The following EYS variants were observed in gnomAD, a reference collection of about 807,000 sequenced individuals.
The protein encoded by EYS is protein eyes shut homolog.
EYS carries 250 observed loss-of-function variants against 282.1 expected under a neutral mutation model. The ratio of observed to expected loss-of-function variants is 0.89; its 90% CI spans 0.80 to 0.98. The LOEUF is 0.98. Ranked by LOEUF, EYS falls within the 50% of genes least tolerant of loss-of-function variation. The pLI is 0.00. For synonymous variants in EYS, 1,355 were observed against 1,282.9 expected (o/e 1.06, Z -1.20); for missense variants, 4,016 against 3,709.0 (o/e 1.08, Z -2.15).
At chr6:64,089,204 A>C (rs1401380466) in intron 31 of EYS, among the ~76,000 whole-genome samples, 1 of 151,720 alleles carries the variant, frequency 6.6e-6, no homozygotes, top group Non-Finnish European at 1.5e-5. Context: ...TATGAGTCTA[A>C]TTTTATTAAA....
intron 26 of EYS, among the ~76,000 whole-genome samples, chr6:64,548,142 G>C (rs999599665): frequency 6.6e-6 from 1 of 152,194 alleles, no homozygotes. Flanking sequence ...GGCTCCTCAA[G>C]TGCTGCCAAA....
intron 35 of EYS, among the ~76,000 whole-genome samples, chr6:63,881,676 T>A (rs1450594673): frequency 6.6e-6 from 1 of 152,182 alleles, no homozygotes; most frequent in Non-Finnish European, 1.5e-5. Context: ...CCACCTCCCC[T>A]TGGCACAAAT....
In EYS at chr6:64,223,735, G is replaced by T. The variant is rs183753897; in HGVS notation, c.6424+6857C>A. ...TTTATGTGTCAAATTATCTTTATGT[G>T]TGGGTATACACGTAATGTATATAAT... On this transcript the variant is annotated intron_variant, in intron 31 of 42. Coordinates refer to ENST00000503581, the MANE Select transcript of EYS (RefSeq NM_001142800.2). Among the ~76,000 whole-genome samples the T allele has an allele frequency of 6.6e-5, 10 of 152,116 alleles. No homozygotes were observed. The East Asian group carries it at 1.5e-3, about 23-fold the overall frequency.
chr6:64,981,240 G>C (rs183740367), intron 14 of EYS, among the ~76,000 whole-genome samples: 10 of 151,370 alleles, frequency 6.6e-5, no homozygotes, highest in African/African-American at 2.4e-4. Context: ...TAAAGCTACT[G>C]AATTAGAATG....
At chr6:65,497,475 A>C (rs191652323) in intron 2 of EYS, among the ~76,000 whole-genome samples, 14 of 152,146 alleles carry the variant, frequency 9.2e-5, no homozygotes, top group African/African-American at 2.9e-4. Context: ...TGAATGTGAC[A>C]CTGGATGCCT....
At chr6:64,061,613 C>A (rs985099325) in intron 33 of EYS, among the ~76,000 whole-genome samples, 1 of 152,110 alleles carries the variant, frequency 6.6e-6, no homozygotes, top group African/African-American at 2.4e-5. Flanking sequence ...TGGCTAATAA[C>A]AGAATAAAAA....
chr6:63,940,964 C>G (rs1314700455), intron 35 of EYS, among the ~76,000 whole-genome samples: 1 of 151,774 alleles, frequency 6.6e-6, no homozygotes, highest in East Asian at 1.9e-4. Context: ...ATAGTTTGCT[C>G]AGAATGATGA....
chr6:65,509,254 A>G (rs1766777273), intron 2 of EYS, among the ~76,000 whole-genome samples: 1 of 152,184 alleles, frequency 6.6e-6, no homozygotes, highest in Admixed American at 6.5e-5. Flanking sequence ...AAGATGGTTG[A>G]TGTGGAATCT....
At chr6:65,087,616 G>T (rs570514278) in intron 12 of EYS, among the ~76,000 whole-genome samples, 41 of 152,118 alleles carry the variant, frequency 2.7e-4, no homozygotes, top group Admixed American at 9.2e-4. Flanking sequence ...GTGAATGAGT[G>T]GTGTAGTCCT....
At chr6:64,745,077 G>A (rs866358171) in intron 22 of EYS, among the ~76,000 whole-genome samples, 37 of 152,064 alleles carry the variant, frequency 2.4e-4, no homozygotes, top group African/African-American at 8.2e-4. Flanking sequence ...GACAGAGTGC[G>A]CTCATCATAT....
At chr6:64,541,605 G>A (rs1764697324) in intron 26 of EYS, among the ~76,000 whole-genome samples, 1 of 151,816 alleles carries the variant, frequency 6.6e-6, no homozygotes. Flanking sequence ...TATTACTAAA[G>A]TATATTTTCC....
intron 5 of EYS, among the ~76,000 whole-genome samples, chr6:65,459,969 TATATATATATATATATA>T (rs1764763449): frequency 2.5e-4 from 1 of 4,018 alleles, no homozygotes; most frequent in South Asian, 7.2e-3. Flanking sequence ...TTGTGTATTT[TATATATATATATATATA>T]TATATATATA....
At chr6:64,733,492 CCT>C in intron 22 of EYS, 1 of 189,688 alleles carries the variant, frequency 5.3e-6, no homozygotes, top group Non-Finnish European at 1.2e-5. Context: ...TTCTTTTCAG[CCT>C]CTGAGCCCAT....
At chr6:65,335,438 A>G (rs1331155635) in intron 10 of EYS, among the ~76,000 whole-genome samples, 1 of 151,668 alleles carries the variant, frequency 6.6e-6, no homozygotes, top group African/African-American at 2.4e-5. Flanking sequence ...GGCCACCATA[A>G]CCCTTATCAG....
In EYS at chr6:65,397,583, G is replaced by GGTGT. The variant is rs58522364; in HGVS notation, c.1184+4891_1184+4894dup. Among the ~76,000 whole-genome samples, 197 of 138,282 alleles carry GGTGT rather than the reference G, an allele frequency of 1.4e-3. 2 individuals are homozygous for GGTGT. Among genetic ancestry groups the GGTGT allele is most frequent in the Non-Finnish European group, 1.8e-3 (116 of 64,000 alleles). The allele number at this position is 138,282 out of a possible 152,430, so 90.7% of individuals were successfully genotyped here. A position where few individuals can be genotyped will look rare whatever the true frequency, so the allele number is the denominator to read the frequency against. On this transcript the variant is annotated intron_variant, in intron 7 of 42. Transcript: ENST00000503581. ...TTTGGGTGGCTAAGTTGTATTTCATGGTGTGTGTGTGTGTGTGTGTGTGTG... is the reference window on the plus strand; with the variant it reads ...TTTGGGTGGCTAAGTTGTATTTCATGGTGTGTGTGTGTGTGTGTGTGTGTGTGTG...
chr6:64,506,834 G>A (rs1777222923), intron 26 of EYS, among the ~76,000 whole-genome samples: 1 of 148,764 alleles, frequency 6.7e-6, no homozygotes, highest in South Asian at 2.1e-4. Context: ...GCGGGAACCC[G>A]GGAGGCGGAG....
intron 22 of EYS, among the ~76,000 whole-genome samples, chr6:64,650,886 C>T (rs1168177556): frequency 6.6e-6 from 1 of 151,802 alleles, no homozygotes; most frequent in Non-Finnish European, 1.5e-5. Flanking sequence ...GAAGAAATCA[C>T]AAAAATACCA....
intron 8 of EYS, among the ~76,000 whole-genome samples, chr6:65,363,206 TG>T (rs1764782312): frequency 1.1e-5 from 1 of 94,684 alleles, no homozygotes; most frequent in Middle Eastern, 4.8e-3. Context: ...TCTTTTTTTT[TG>T]CAGTTAAATC....
chr6:63,835,337 CTATA>C (rs918603132), intron 36 of EYS, among the ~76,000 whole-genome samples: 2 of 149,958 alleles, frequency 1.3e-5, no homozygotes, highest in African/African-American at 4.9e-5. Flanking sequence ...TACTCTCTCT[CTATA>C]TATATATACA....
Sources: allele counts gnomAD v4.1 joint callset (sites outside exome capture counted in the v4.1 genomes callset), GRCh38; gene constraint gnomAD v4.1.1; transcripts MANE v1.5; gene names NCBI Gene and HGNC (gene_info 2026-07-23, HGNC 2026-07-21).